Variants in EDIL3 observed in about 807,000 individuals in gnomAD.
EDIL3 encodes EGF like and discoidin domains 3.
Under a neutral mutation model 67.4 loss-of-function variants are expected in EDIL3, and 37 were observed. That is an observed-to-expected ratio of 0.55 (90% CI 0.42 to 0.72). The LOEUF (loss-of-function observed/expected upper bound fraction) is 0.72. Ranked by LOEUF, EDIL3 falls within the 30% of genes least tolerant of loss-of-function variation. The pLI is 0.00. For synonymous variants in EDIL3, 195 were observed against 196.3 expected, an observed-to-expected ratio of 0.99 and a Z score of 0.05; for missense variants, 527 against 586.3, an observed-to-expected ratio of 0.90 and a Z score of 1.04.
intron 9 of EDIL3, among the ~76,000 whole-genome samples, chr5:84,001,570 A>T (rs1745332646): frequency 6.6e-6 from 1 of 152,072 alleles, no homozygotes. Context: ...AAAAAGAGAC[A>T]AGACCCAAAT....
intron 2 of EDIL3, among the ~76,000 whole-genome samples, chr5:84,242,295 A>C (rs1561232429): frequency 6.6e-6 from 1 of 152,102 alleles, no homozygotes; most frequent in Non-Finnish European, 1.5e-5. Flanking sequence ...AGTTTTACAG[A>C]TGAGGAAAGT....
chr5:84,358,565 C>T (rs181170454), intron 1 of EDIL3, among the ~76,000 whole-genome samples: 1 of 142,894 alleles, frequency 7.0e-6, no homozygotes, highest in Admixed American at 7.1e-5. Flanking sequence ...AAGATACCTA[C>T]AGCATAAGAC....
At chr5:84,322,997 C>T (rs1269024021) in intron 1 of EDIL3, among the ~76,000 whole-genome samples, 1 of 151,964 alleles carries the variant, frequency 6.6e-6, no homozygotes, top group African/African-American at 2.4e-5. Context: ...AAAATTGACA[C>T]ATATCCAGAT....
At position 84,139,476 on chromosome 5, in the gene EDIL3, A is replaced by G. The variant is rs1748151935; in HGVS notation, c.356-2122T>C. On this transcript the variant is annotated intron_variant, in intron 4 of 10. Transcript: ENST00000296591. ...TAAACTATATTTATATTGGACTAAC[A>G]CACAAACCATTTTCATTAAATTTTG... 2.0e-5 allele frequency among the ~76,000 whole-genome samples: 3 copies of G among 152,158 alleles called. No homozygotes were observed. In the South Asian group the frequency reaches 6.2e-4, roughly 32 times the overall value.
In EDIL3 at chr5:83,942,953, A is replaced by G. The variant is rs1392606688; in HGVS notation, c.*466T>C. 1 of 160,228 alleles carries G rather than the reference A, an allele frequency of 6.2e-6. No individual in the cohort carries two copies. The highest frequency in any genetic ancestry group is 1.9e-4 in the East Asian group (1 of 5,276). 9.9% of individuals were successfully genotyped at this position (160,228 alleles called of 1,614,324 possible). ...TTGACAGTGTTTGGTAGGCACAGGG[A>G]AACAGGATAACGTAGAGTCATTACA... On this transcript the variant is annotated 3_prime_UTR_variant, in exon 11 of 11. Transcript: ENST00000296591.
intron 1 of EDIL3, among the ~76,000 whole-genome samples, chr5:84,335,745 T>C (rs1746973403): frequency 1.3e-5 from 2 of 152,162 alleles, no homozygotes; most frequent in African/African-American, 4.8e-5. Context: ...ATGGAAGATA[T>C]CTTAGAGGAG....
chr5:84,383,306 G>A lies in EDIL3; in HGVS notation c.67+1002C>T, dbSNP rs112414012. On this transcript the variant is annotated intron_variant, in intron 1 of 10. Coordinates refer to ENST00000296591, the MANE Select transcript of EDIL3 (RefSeq NM_005711.5). Reference sequence around the variant, plus strand: ...GCTGCCCCCGCTGCCCTTTTCCGGCGACTACTTCAGCCCCGGCCAGCGGTG... The same window carrying A: ...GCTGCCCCCGCTGCCCTTTTCCGGCAACTACTTCAGCCCCGGCCAGCGGTG... Among the ~76,000 whole-genome samples, 293 of 152,154 alleles carry A rather than the reference G, an allele frequency of 1.9e-3. 1 individual carries two copies. Among genetic ancestry groups the A allele is most frequent in the African/African-American group, 6.5e-3 (271 of 41,532 alleles).
chr5:83,963,181 T>C, intron 10 of EDIL3, 24 bp downstream of exon 10: 2 of 1,582,524 alleles, frequency 1.3e-6, no homozygotes, highest in Non-Finnish European at 1.7e-6. Flanking sequence ...TTCTGAACTT[T>C]ATAAACCGAT....
chr5:84,233,962 A>G (rs1042314933), intron 2 of EDIL3, among the ~76,000 whole-genome samples: 1 of 152,172 alleles, frequency 6.6e-6, no homozygotes, highest in African/African-American at 2.4e-5. Context: ...AATCATATCA[A>G]CCATGAATCC....
At chr5:83,989,284 T>G (rs1263268486) in intron 9 of EDIL3, among the ~76,000 whole-genome samples, 1 of 152,218 alleles carries the variant, frequency 6.6e-6, no homozygotes, top group East Asian at 1.9e-4. Context: ...GATAAAGGTC[T>G]GGAATCTCCC....
intron 4 of EDIL3, among the ~76,000 whole-genome samples, chr5:84,178,313 T>G (rs867884827): frequency 9.9e-5 from 15 of 152,182 alleles, no homozygotes; most frequent in African/African-American, 3.6e-4. Flanking sequence ...AAGATCCTGA[T>G]GCACGAGCAC....
At chr5:84,009,411 A>G (rs1281414429) in intron 9 of EDIL3, among the ~76,000 whole-genome samples, 1 of 152,164 alleles carries the variant, frequency 6.6e-6, no homozygotes, top group Non-Finnish European at 1.5e-5. Flanking sequence ...TCCAGCCTGC[A>G]ATATGACAAA....
intron 1 of EDIL3, among the ~76,000 whole-genome samples, chr5:84,362,889 T>C (rs937462698): frequency 1.1e-4 from 17 of 152,130 alleles, no homozygotes; most frequent in Non-Finnish European, 2.4e-4. Context: ...AAAAAATTAG[T>C]TTAAGATGAT....
intron 9 of EDIL3, among the ~76,000 whole-genome samples, chr5:83,995,760 C>T (rs758287086): frequency 1.3e-5 from 2 of 152,084 alleles, no homozygotes; most frequent in Non-Finnish European, 2.9e-5. Flanking sequence ...GCCTATTCCT[C>T]TCCTGCTTAA....
At chr5:84,070,131 A>C (rs1746711180) in intron 6 of EDIL3, among the ~76,000 whole-genome samples, 1 of 151,884 alleles carries the variant, frequency 6.6e-6, no homozygotes, top group Non-Finnish European at 1.5e-5. Flanking sequence ...CTCCCCATCC[A>C]CCTCACTGAG....
chr5:84,384,560 A>G lies in EDIL3; in HGVS notation c.-186T>C, dbSNP rs1399478647. ...GGCGAGAGTGGTGACTAAAGAGAGGAGCCTTTCCTCCCCTTTTGCCTGCGC... is the reference window on the plus strand; with the variant it reads ...GGCGAGAGTGGTGACTAAAGAGAGGGGCCTTTCCTCCCCTTTTGCCTGCGC... On this transcript the variant is annotated 5_prime_UTR_variant, in exon 1 of 11. Transcript: ENST00000296591. The G allele has an allele frequency of 9.8e-6, 5 of 508,032 alleles. No individual in the cohort carries two copies. Among genetic ancestry groups the G allele is most frequent in the Non-Finnish European group, 1.7e-5 (5 of 298,844 alleles). The allele number at this position is 508,032 out of a possible 1,614,324, so 31.5% of individuals were successfully genotyped here.
At chr5:84,266,549 C>T (rs1400629652) in intron 1 of EDIL3, among the ~76,000 whole-genome samples, 1 of 152,138 alleles carries the variant, frequency 6.6e-6, no homozygotes, top group Non-Finnish European at 1.5e-5. Context: ...TTATATAAAA[C>T]CTTGGGGAAC....
intron 1 of EDIL3, among the ~76,000 whole-genome samples, chr5:84,347,273 T>C (rs1037149111): frequency 2.0e-5 from 3 of 152,188 alleles, no homozygotes; most frequent in African/African-American, 7.2e-5. Context: ...TGTTCTTCCA[T>C]TGGAAAAGTT....
chr5:84,133,389 G>A (rs964602378), intron 5 of EDIL3, among the ~76,000 whole-genome samples: 8 of 149,340 alleles, frequency 5.4e-5, no homozygotes, highest in Non-Finnish European at 1.0e-4. Context: ...TTGGGAGGCC[G>A]AGGTGAGAAG....
Sources: allele counts gnomAD v4.1 joint callset (sites outside exome capture counted in the v4.1 genomes callset), GRCh38; gene constraint gnomAD v4.1.1; transcripts MANE v1.5; gene names NCBI Gene and HGNC (gene_info 2026-07-23, HGNC 2026-07-21).